Variants in NFIA observed in about 807,000 individuals in gnomAD.
NFIA encodes the protein nuclear factor 1 A-type.
NFIA carries 8 observed loss-of-function variants against 62.8 expected under a neutral mutation model. That is an observed-to-expected ratio of 0.13 (90% CI 0.07 to 0.23). The LOEUF (loss-of-function observed/expected upper bound fraction) is 0.23. NFIA is among the 10% of genes least tolerant of loss of function. The pLI is 1.00. For synonymous variants in NFIA, 235 were observed against 238.1 expected, an observed-to-expected ratio of 0.99 and a Z score of 0.12; for missense variants, 410 against 642.1, an observed-to-expected ratio of 0.64 and a Z score of 3.91.
At chr1:61,247,642 C>A (rs538317016) in intron 2 of NFIA, among the ~76,000 whole-genome samples, 1 of 152,122 alleles carries the variant, frequency 6.6e-6, no homozygotes, top group Admixed American at 6.5e-5. Flanking sequence ...GAGGGATGCC[C>A]TCGGGCCGTT....
chr1:61,164,010 T>G (rs1165952941), intron 2 of NFIA, among the ~76,000 whole-genome samples: 1 of 152,222 alleles, frequency 6.6e-6, no homozygotes, highest in Non-Finnish European at 1.5e-5. Flanking sequence ...AATCATAGGA[T>G]GCTTTAAATA....
intron 2 of NFIA, among the ~76,000 whole-genome samples, chr1:61,118,553 ATAAC>A (rs1646831811): frequency 1.3e-5 from 2 of 152,158 alleles, no homozygotes; most frequent in South Asian, 4.2e-4. Context: ...GTGATAGAGA[ATAAC>A]TAAGAGGACC....
At chr1:61,416,328 A>G (rs138706067) in intron 9 of NFIA, among the ~76,000 whole-genome samples, 27 of 152,322 alleles carry the variant, frequency 1.8e-4, no homozygotes, top group African/African-American at 5.8e-4. Flanking sequence ...TCAAAACCAC[A>G]TACTCACACA....
chr1:61,297,440 T>A (rs151025310), intron 3 of NFIA, among the ~76,000 whole-genome samples: 1 of 152,258 alleles, frequency 6.6e-6, no homozygotes, highest in African/African-American at 2.4e-5. Flanking sequence ...AACAGAAAAA[T>A]AGCCCCATTA....
chr1:61,161,798 T>A (rs1252352063), intron 2 of NFIA, among the ~76,000 whole-genome samples: 1 of 152,228 alleles, frequency 6.6e-6, no homozygotes, highest in Admixed American at 6.5e-5. Flanking sequence ...CCTAAATAGT[T>A]GTTTGGGTGT....
intron 4 of NFIA, among the ~76,000 whole-genome samples, chr1:61,333,146 C>A (rs981729683): frequency 6.6e-6 from 1 of 151,546 alleles, no homozygotes. Context: ...AGCACAAATA[C>A]AATGATTATG....
chr1:61,294,736 G>T (rs922584534), intron 3 of NFIA, among the ~76,000 whole-genome samples: 4 of 152,152 alleles, frequency 2.6e-5, no homozygotes, highest in Non-Finnish European at 5.9e-5. Flanking sequence ...TACTATAAAT[G>T]CAGAACTAAA....
chr1:61,253,110 T>TG (rs1372597118), intron 2 of NFIA, among the ~76,000 whole-genome samples: 17 of 152,240 alleles, frequency 1.1e-4, no homozygotes, highest in African/African-American at 3.9e-4. Flanking sequence ...AGGCACTGGC[T>TG]GGTAAGCTTA....
chr1:61,104,326 G>A (rs1646559572), intron 2 of NFIA, among the ~76,000 whole-genome samples: 1 of 152,014 alleles, frequency 6.6e-6, no homozygotes, highest in Non-Finnish European at 1.5e-5. Flanking sequence ...TTATCAGGGT[G>A]TTTTTGGCAT....
chr1:61,231,555 T>C (rs1050194586), intron 2 of NFIA, among the ~76,000 whole-genome samples: 1 of 152,246 alleles, frequency 6.6e-6, no homozygotes, highest in Non-Finnish European at 1.5e-5. Context: ...TGTTCTTTTA[T>C]ATGCTTAGGA....
intron 3 of NFIA, among the ~76,000 whole-genome samples, chr1:61,304,383 G>A (rs1354791059): frequency 6.6e-6 from 1 of 152,170 alleles, no homozygotes; most frequent in Non-Finnish European, 1.5e-5. Context: ...AGCATACTAA[G>A]CATTAGTTAT....
chr1:61,283,170 A>C (rs1434559064), intron 3 of NFIA, among the ~76,000 whole-genome samples: 1 of 152,248 alleles, frequency 6.6e-6, no homozygotes, highest in Non-Finnish European at 1.5e-5. Context: ...CAAGGAATGT[A>C]CTTCTTTTCA....
chr1:61,089,600 C>T (rs2100416644), intron 2 of NFIA, among the ~76,000 whole-genome samples: 1 of 151,726 alleles, frequency 6.6e-6, no homozygotes, highest in East Asian at 1.9e-4. Context: ...GCTAGATTAC[C>T]TTCATGGCAG....
intron 2 of NFIA, among the ~76,000 whole-genome samples, chr1:61,246,576 A>C (rs1276979442): frequency 2.7e-5 from 4 of 148,358 alleles, no homozygotes; most frequent in African/African-American, 1.0e-4. Context: ...ATTAGACTAA[A>C]ACAATGTCTC....
At chr1:61,078,941 T>C (rs1302263031), upstream of NFIA, among the ~76,000 whole-genome samples, 1 of 152,204 alleles carries the variant, frequency 6.6e-6, no homozygotes, top group African/African-American at 2.4e-5. Flanking sequence ...CTAAAATATC[T>C]CCATCTCCTC....
At chr1:61,406,805 ACTGTATAGGCT>A in intron 9 of NFIA, 78 bp downstream of exon 9, 1 of 1,430,530 alleles carries the variant, frequency 7.0e-7, no homozygotes. Context: ...TTTGTCCCTC[ACTGTATAGGCT>A]CTAGAAAGAG....
chr1:61,397,679 GA>G (rs1429966023), intron 7 of NFIA, among the ~76,000 whole-genome samples: 4 of 152,194 alleles, frequency 2.6e-5, no homozygotes, highest in African/African-American at 9.7e-5. Context: ...CCATTATACA[GA>G]TGCCAAAACT....
At chr1:61,240,116 G>T (rs1655255492) in intron 2 of NFIA, among the ~76,000 whole-genome samples, 1 of 152,054 alleles carries the variant, frequency 6.6e-6, no homozygotes, top group Non-Finnish European at 1.5e-5. Context: ...TTCGATCATG[G>T]TTTAACTAAT....
chr1:61,212,679 A>G (rs1653342432), intron 2 of NFIA, among the ~76,000 whole-genome samples: 1 of 152,180 alleles, frequency 6.6e-6, no homozygotes, highest in Admixed American at 6.5e-5. Flanking sequence ...TTGATGCATA[A>G]AAGAAAATTT....
Sources: gnomAD v4.1 joint callset for allele counts (sites outside exome capture counted in the v4.1 genomes callset) on GRCh38, gnomAD v4.1.1 for gene constraint, MANE v1.5 for transcripts, NCBI Gene and HGNC (gene_info 2026-07-23, HGNC 2026-07-21) for gene names.